R3HDM1: variants seen among roughly 807,000 people sequenced by gnomAD.
R3HDM1 encodes the protein R3H domain containing 1.
A neutral mutation model predicts 141.1 loss-of-function variants in R3HDM1; 46 were observed. That is an observed-to-expected ratio of 0.33 (90% CI 0.26 to 0.42). The LOEUF is 0.42. Ranked by LOEUF, R3HDM1 falls within the 10% of genes least tolerant of loss-of-function variation. R3HDM1 has a pLI of 1.00. For missense variants in R3HDM1, 1,184 were observed against 1,368.3 expected (o/e 0.87, Z 2.12); for synonymous variants, 435 against 472.9 (o/e 0.92, Z 1.04).
At chr2:135,701,872 C>T (rs1350626089) in intron 21 of R3HDM1, among the ~76,000 whole-genome samples, 1 of 152,144 alleles carries the variant, frequency 6.6e-6, no homozygotes, top group Non-Finnish European at 1.5e-5. Flanking sequence ...CTACTGTGTG[C>T]ACCATTTTTA....
intron 21 of R3HDM1, among the ~76,000 whole-genome samples, chr2:135,705,077 A>G (rs527355790): frequency 4.6e-5 from 7 of 152,300 alleles, no homozygotes; most frequent in East Asian, 3.9e-4. Context: ...CACAGTCCCA[A>G]TATGTACTGA....
At chr2:135,675,594 C>A in intron 20 of R3HDM1, 108 bp downstream of exon 20, 1 of 1,150,122 alleles carries the variant, frequency 8.7e-7, no homozygotes, top group Non-Finnish European at 1.2e-6. Context: ...AAAAACATTT[C>A]TGTAATATAC....
intron 22 of R3HDM1, 132 bp downstream of exon 22, chr2:135,709,668 T>C (rs1299992710): frequency 2.8e-6 from 3 of 1,070,694 alleles, no homozygotes; most frequent in Non-Finnish European, 4.1e-6. Context: ...TTGAGGGTGC[T>C]GTACTGAATC....
intron 11 of R3HDM1, among the ~76,000 whole-genome samples, chr2:135,636,618 G>A (rs1489855021): frequency 6.6e-6 from 1 of 151,986 alleles, no homozygotes; most frequent in Non-Finnish European, 1.5e-5. Context: ...GATTTTGTAG[G>A]TTAATATCTG....
intron 1 of R3HDM1, among the ~76,000 whole-genome samples, chr2:135,591,163 AC>A: frequency 6.6e-6 from 1 of 152,224 alleles, no homozygotes; most frequent in South Asian, 2.1e-4. Flanking sequence ...CCATCAAAGA[AC>A]CATTGGGTGG....
chr2:135,657,286 C>T (rs979919840), intron 18 of R3HDM1, among the ~76,000 whole-genome samples: 8 of 151,468 alleles, frequency 5.3e-5, no homozygotes, highest in Non-Finnish European at 1.2e-4. Flanking sequence ...TGGCGGGCAC[C>T]TGTAATCCCA....
intron 19 of R3HDM1, chr2:135,667,234 C>A: frequency 9.3e-6 from 9 of 970,970 alleles, no homozygotes; most frequent in Non-Finnish European, 1.1e-5. Context: ...AAAAATAGAA[C>A]ATTCTGTGGA....
chr2:135,583,402 T>C (rs1707229703), intron 1 of R3HDM1, among the ~76,000 whole-genome samples: 1 of 152,226 alleles, frequency 6.6e-6, no homozygotes, highest in African/African-American at 2.4e-5. Context: ...CATGAAAGGT[T>C]AGCCTGCATG....
chr2:135,533,133 T>G (rs985068651), intron 1 of R3HDM1, among the ~76,000 whole-genome samples: 14 of 152,230 alleles, frequency 9.2e-5, no homozygotes, highest in Admixed American at 5.9e-4. Flanking sequence ...CTGGAGGAAA[T>G]TTGTGGTATC....
At chr2:135,596,670 T>C (rs1168191075) in intron 1 of R3HDM1, among the ~76,000 whole-genome samples, 2 of 152,212 alleles carry the variant, frequency 1.3e-5, no homozygotes, top group Admixed American at 1.3e-4. Flanking sequence ...GACTAAACAT[T>C]CTGACATTCT....
At chr2:135,558,021 G>A (rs544018621) in intron 1 of R3HDM1, among the ~76,000 whole-genome samples, 2 of 152,306 alleles carry the variant, frequency 1.3e-5, no homozygotes, top group African/African-American at 2.4e-5. Context: ...AGATACAGTG[G>A]ATAATGATAA....
chr2:135,714,834 G>A (rs537850565), intron 23 of R3HDM1, among the ~76,000 whole-genome samples: 5 of 151,996 alleles, frequency 3.3e-5, no homozygotes, highest in African/African-American at 9.6e-5. Flanking sequence ...TGGGAAATCT[G>A]GGAATTCTTT....
chr2:135,676,887 A>G (rs996768079), intron 20 of R3HDM1, among the ~76,000 whole-genome samples: 2 of 152,170 alleles, frequency 1.3e-5, no homozygotes, highest in African/African-American at 2.4e-5. Flanking sequence ...AAGATAGGGA[A>G]TAGCCTAGTT....
At chr2:135,554,640 G>T (rs1007910910) in intron 1 of R3HDM1, among the ~76,000 whole-genome samples, 1 of 152,140 alleles carries the variant, frequency 6.6e-6, no homozygotes, top group Non-Finnish European at 1.5e-5. Context: ...GTGGATTAGG[G>T]GTGGGCCCCT....
intron 21 of R3HDM1, among the ~76,000 whole-genome samples, chr2:135,681,214 T>C (rs2070240167): frequency 6.6e-6 from 1 of 152,210 alleles, no homozygotes; most frequent in Non-Finnish European, 1.5e-5. Flanking sequence ...TCATTTATTC[T>C]CATGGCATCC....
chr2:135,611,638 A>G (rs1260959005), intron 3 of R3HDM1, among the ~76,000 whole-genome samples: 1 of 152,160 alleles, frequency 6.6e-6, no homozygotes, highest in Non-Finnish European at 1.5e-5. Flanking sequence ...TAAGTTCTGT[A>G]TCTGTATGCT....
chr2:135,656,518 G>T (rs2065913369), intron 18 of R3HDM1: 1 of 151,142 alleles, frequency 6.6e-6, no homozygotes, highest in South Asian at 2.1e-4. Context: ...TCATCCTTGT[G>T]CAGGGGCCAT....
intron 9 of R3HDM1, among the ~76,000 whole-genome samples, chr2:135,634,695 T>C (rs138959869): frequency 2.8e-3 from 421 of 152,260 alleles, no homozygotes; most frequent in African/African-American, 9.1e-3. Flanking sequence ...TATAAGGAAG[T>C]TTGCTGAAAA....
At chr2:135,577,806 C>G (rs1705815057) in intron 1 of R3HDM1, among the ~76,000 whole-genome samples, 1 of 148,286 alleles carries the variant, frequency 6.7e-6, no homozygotes, top group Non-Finnish European at 1.5e-5. Context: ...CCATTGCACT[C>G]CAGCCTGGGC....
Sources: gnomAD v4.1 joint callset for allele counts (sites outside exome capture counted in the v4.1 genomes callset) on GRCh38, gnomAD v4.1.1 for gene constraint, MANE v1.5 for transcripts, NCBI Gene and HGNC (gene_info 2026-07-23, HGNC 2026-07-21) for gene names.